BANF2: variants seen among roughly 807,000 people sequenced by gnomAD.
BANF2 encodes BANF family member 2.
In BANF2, 4 loss-of-function variants were observed where a neutral mutation model predicts 8.0. That is an observed-to-expected ratio of 0.50 (90% CI 0.25 to 1.14). The LOEUF (loss-of-function observed/expected upper bound fraction) is 1.14, where lower values mean the gene tolerates loss of function less well. BANF2 is among the 50% of genes most tolerant of loss of function. BANF2 has a pLI of 0.16. For missense variants in BANF2, 96 were observed against 107.5 expected (o/e 0.89, Z 0.47); for synonymous variants, 50 against 40.6 (o/e 1.23, Z -0.88).
Position 17,700,047 on chromosome 20 carries a change from G to A in BANF2, c.-175G>A. The A allele has an allele frequency of 1.0e-6, 1 of 978,444 alleles. No individual in the cohort carries two copies. The highest frequency in any genetic ancestry group is 1.2e-6 in the Non-Finnish European group (1 of 823,600). The allele number at this position is 978,444 out of a possible 1,614,324, so 60.6% of individuals were successfully genotyped here. A position where few individuals can be genotyped will look rare whatever the true frequency, so the allele number is the denominator to read the frequency against. ...CTGCCAGCTGCCACTGGCTTATCAG[G>A]AGCACCTGGTGAGTATTCAGAACTT... On this transcript the variant is annotated 5_prime_UTR_variant, in exon 1 of 4. Transcript: ENST00000246090.
At chr20:17,712,455 C>T (rs1376588519) in intron 1 of BANF2, 6 of 883,988 alleles carry the variant, frequency 6.8e-6, no homozygotes, top group African/African-American at 5.5e-5. Flanking sequence ...CACCAAGTCC[C>T]ATGCACCATT....
chr20:17,700,226 C>A (rs2037387271), intron 1 of BANF2, among the ~76,000 whole-genome samples, 171 bp downstream of exon 1: 1 of 152,206 alleles, frequency 6.6e-6, no homozygotes, highest in Non-Finnish European at 1.5e-5. Flanking sequence ...TCACCTGATG[C>A]ACACACCCCT....
intron 3 of BANF2, among the ~76,000 whole-genome samples, chr20:17,732,385 G>A (rs984463017): frequency 3.3e-5 from 5 of 152,188 alleles, no homozygotes; most frequent in African/African-American, 4.8e-5. Flanking sequence ...TGTTTGTTTC[G>A]AGACAGAGTC....
intron 1 of BANF2, among the ~76,000 whole-genome samples, chr20:17,702,740 C>T (rs1349641240): frequency 6.6e-6 from 1 of 152,192 alleles, no homozygotes; most frequent in African/African-American, 2.4e-5. Flanking sequence ...AACACATGGT[C>T]TGACCTTGAA....
At chr20:17,722,900 G>T in intron 2 of BANF2, 22 bp downstream of exon 2, 2 of 981,156 alleles carry the variant, frequency 2.0e-6, no homozygotes, top group Non-Finnish European at 1.2e-6. Context: ...GATGGGGACA[G>T]GAGAGGGGAT....
chr20:17,717,285 G>A (rs1007564196), intron 1 of BANF2, among the ~76,000 whole-genome samples: 4 of 152,070 alleles, frequency 2.6e-5, no homozygotes, highest in African/African-American at 9.7e-5. Flanking sequence ...TCTCCCCGCT[G>A]CTTGTTGCTA....
chr20:17,702,122 G>A (rs577302303), intron 1 of BANF2, among the ~76,000 whole-genome samples: 1 of 152,308 alleles, frequency 6.6e-6, no homozygotes, highest in South Asian at 2.1e-4. Context: ...GACGAAGCAG[G>A]TCTTTCTAAC....
intron 1 of BANF2, among the ~76,000 whole-genome samples, chr20:17,705,505 C>T (rs148440394): frequency 6.0e-4 from 92 of 152,270 alleles, no homozygotes; most frequent in African/African-American, 2.1e-3. Context: ...TCAAGGGAAG[C>T]TAACTGATGT....
intron 3 of BANF2, among the ~76,000 whole-genome samples, chr20:17,734,884 C>T (rs758142440): frequency 5.3e-5 from 8 of 152,094 alleles, no homozygotes; most frequent in Admixed American, 1.3e-4. Context: ...ATCAGGAGTT[C>T]GAGACCAGCC....
At chr20:17,732,997 G>C (rs1461275901) in intron 3 of BANF2, among the ~76,000 whole-genome samples, 1 of 152,158 alleles carries the variant, frequency 6.6e-6, no homozygotes, top group East Asian at 1.9e-4. Flanking sequence ...TTCCCTCCTG[G>C]AAGATGCCAC....
At chr20:17,706,652 A>G (rs890751594) in intron 1 of BANF2, among the ~76,000 whole-genome samples, 4 of 152,222 alleles carry the variant, frequency 2.6e-5, no homozygotes, top group Non-Finnish European at 5.9e-5. Flanking sequence ...ATGGAGAGGT[A>G]GGAACAGATC....
At chr20:17,734,140 C>T (rs530505628) in intron 3 of BANF2, among the ~76,000 whole-genome samples, 1 of 152,246 alleles carries the variant, frequency 6.6e-6, no homozygotes, top group East Asian at 1.9e-4. Context: ...CCATGTGGTC[C>T]TTGTGCCTTG....
upstream of BANF2, among the ~76,000 whole-genome samples, chr20:17,699,196 G>C (rs939451016): frequency 2.0e-5 from 3 of 152,204 alleles, no homozygotes; most frequent in Non-Finnish European, 4.4e-5. Context: ...GAAGCCGTTT[G>C]CTCTTGGTTA....
intron 3 of BANF2, among the ~76,000 whole-genome samples, chr20:17,729,247 A>G (rs1600228534): frequency 6.6e-6 from 1 of 152,040 alleles, no homozygotes; most frequent in East Asian, 1.9e-4. Context: ...TGATCCCTAT[A>G]CTACAGCCAG....
chr20:17,703,688 C>T lies in BANF2; in HGVS notation c.-167+3633C>T, dbSNP rs117219101. Among the ~76,000 whole-genome samples, 3,235 of 150,054 alleles carry T rather than the reference C, an allele frequency of 0.022. 230 individuals carry two copies. The East Asian group carries it at 0.25, about 12-fold the overall frequency. ...GGGCTCTCCAAGAAACATCTCTATGCGGTTTGTCTGGGTTTTCTTACAGCA... is the reference window on the plus strand; with the variant it reads ...GGGCTCTCCAAGAAACATCTCTATGTGGTTTGTCTGGGTTTTCTTACAGCA... On this transcript the variant is annotated intron_variant, in intron 1 of 3. Transcript: ENST00000246090.
At chr20:17,713,147 G>A (rs2037600816) in intron 1 of BANF2, among the ~76,000 whole-genome samples, 1 of 152,054 alleles carries the variant, frequency 6.6e-6, no homozygotes, top group South Asian at 2.1e-4. Flanking sequence ...AGCTACTAGG[G>A]AGGCTGAGGC....
chr20:17,726,038 T>G lies in BANF2; in HGVS notation c.126+887T>G, dbSNP rs373745929. On this transcript the variant is annotated intron_variant, in intron 3 of 3. Coordinates refer to ENST00000246090, the MANE Select transcript of BANF2 (RefSeq NM_178477.5). The stretch of plus-strand genomic sequence containing the variant: ...ATACTCAGAATAACACCCCAATCTG[T>G]GAGCCAGTTTAATGTCCAGTAGATG... Among the ~76,000 whole-genome samples the G allele has an allele frequency of 1.8e-4, 28 of 152,300 alleles. No individual in the cohort carries two copies. In the South Asian group the frequency reaches 4.6e-3, roughly 25 times the overall value.
At chr20:17,708,881 C>T (rs971605027) in intron 1 of BANF2, among the ~76,000 whole-genome samples, 1 of 152,160 alleles carries the variant, frequency 6.6e-6, no homozygotes, top group Non-Finnish European at 1.5e-5. Flanking sequence ...CTAAGGAATG[C>T]GTGTATGTTG....
chr20:17,723,814 G>A (rs1234697587), intron 2 of BANF2, among the ~76,000 whole-genome samples: 1 of 152,156 alleles, frequency 6.6e-6, no homozygotes, highest in South Asian at 2.1e-4. Flanking sequence ...GGTCAACATG[G>A]TGAAACCTCA....
Sources: gnomAD v4.1 joint callset for allele counts (sites outside exome capture counted in the v4.1 genomes callset) on GRCh38, gnomAD v4.1.1 for gene constraint, MANE v1.5 for transcripts, NCBI Gene and HGNC (gene_info 2026-07-23, HGNC 2026-07-21) for gene names.